The following DPP6 variants were observed in gnomAD, a reference collection of about 807,000 sequenced individuals.
The protein encoded by DPP6 is dipeptidyl peptidase like 6.
A neutral mutation model predicts 122.6 loss-of-function variants in DPP6; 69 were observed. The observed-to-expected ratio is 0.56, with a 90% CI of 0.46 to 0.69. The LOEUF is 0.69. Among genes scored for constraint, DPP6 ranks in the 30% least tolerant of loss-of-function variants. DPP6 has a pLI of 0.00. For missense variants in DPP6, 928 were observed against 1,116.9 expected, an observed-to-expected ratio of 0.83 and a Z score of 2.41; for synonymous variants, 418 against 433.1, an observed-to-expected ratio of 0.97 and a Z score of 0.43.
rs997602470 is a variant in DPP6 at position 154,576,301 on chromosome 7, C to T, written c.627+9385C>T. On this transcript the variant is annotated intron_variant, in intron 5 of 25. Transcript: ENST00000377770. Reference sequence around the variant, plus strand: ...TGGACGCTCACTCCCTGCAGAGGCCCGAGGCCACGAGACCTGACCCCACAC... The same window carrying T: ...TGGACGCTCACTCCCTGCAGAGGCCTGAGGCCACGAGACCTGACCCCACAC... Among the ~76,000 whole-genome samples, 16 of 152,120 alleles carry T rather than the reference C, an allele frequency of 1.1e-4. 1 individual carries two copies. In the East Asian group the frequency reaches 1.9e-3, roughly 18 times the overall value.
Position 154,802,926 on chromosome 7 carries a change from G to A in DPP6, c.1408-938G>A, listed in dbSNP as rs138204171. Among the ~76,000 whole-genome samples the A allele has an allele frequency of 1.5e-3, 222 of 152,068 alleles. 3 individuals carry two copies. Among genetic ancestry groups the A allele is most frequent in the Middle Eastern group, 0.01 (3 of 292 alleles). ...TTATCCAAGTTGCCATCATTTGCCCGGAGCCCTATCAAACATTCCAGCAGG... is the reference window on the plus strand; with the variant it reads ...TTATCCAAGTTGCCATCATTTGCCCAGAGCCCTATCAAACATTCCAGCAGG... On this transcript the variant is annotated intron_variant, in intron 13 of 25. Transcript: ENST00000377770.
At chr7:154,196,759 G>A (rs1798888936) in intron 1 of DPP6, among the ~76,000 whole-genome samples, 1 of 152,152 alleles carries the variant, frequency 6.6e-6, no homozygotes, top group South Asian at 2.1e-4. Context: ...GCTGCAGGGA[G>A]CCTTCACCCT....
chr7:153,803,149 C>T, the DPP6 span, among the ~76,000 whole-genome samples: 1,247 of 151,732 alleles, frequency 8.2e-3, 13 homozygotes, highest in African/African-American at 0.028. Context: ...GGTCCAGACA[C>T]GTGGGCGTCC....
At chr7:154,181,589 G>A (rs187077776) in intron 1 of DPP6, among the ~76,000 whole-genome samples, 14 of 152,264 alleles carry the variant, frequency 9.2e-5, no homozygotes, top group Admixed American at 2.6e-4. Flanking sequence ...ATGGCAGAAA[G>A]TGTATAGCCC....
At chr7:154,458,794 C>T (rs1004553719) in intron 2 of DPP6, among the ~76,000 whole-genome samples, 2 of 152,208 alleles carry the variant, frequency 1.3e-5, no homozygotes, top group African/African-American at 4.8e-5. Context: ...ATGAACTGGA[C>T]AACAACTGTG....
chr7:153,801,143 G>T, the DPP6 span, among the ~76,000 whole-genome samples: 3 of 149,520 alleles, frequency 2.0e-5, no homozygotes, highest in African/African-American at 4.9e-5. Flanking sequence ...CCCTGTGTGC[G>T]CTTATCTAAT....
chr7:154,071,859 C>G (rs1373697796), intron 1 of DPP6, among the ~76,000 whole-genome samples: 1 of 152,186 alleles, frequency 6.6e-6, no homozygotes, highest in Non-Finnish European at 1.5e-5. Flanking sequence ...TTCAACTTCC[C>G]TCTGTGATAC....
At chr7:154,083,085 G>C (rs1169682991) in intron 1 of DPP6, among the ~76,000 whole-genome samples, 1 of 151,950 alleles carries the variant, frequency 6.6e-6, no homozygotes, top group Non-Finnish European at 1.5e-5. Context: ...TCCTGACCTC[G>C]TGATCCGCCC....
chr7:154,756,379 A>G (rs1843670571), intron 8 of DPP6, among the ~76,000 whole-genome samples: 1 of 151,934 alleles, frequency 6.6e-6, no homozygotes, highest in African/African-American at 2.4e-5. Context: ...ATGCAGCCCC[A>G]TGGTCATAAT....
At chr7:154,007,928 C>T (rs1241001293) in intron 1 of DPP6, among the ~76,000 whole-genome samples, 5 of 152,236 alleles carry the variant, frequency 3.3e-5, no homozygotes, top group Non-Finnish European at 2.9e-5. Context: ...GCCCGTATTC[C>T]GTTGGCCTGA....
chr7:154,003,801 G>C (rs1428857261), intron 1 of DPP6, among the ~76,000 whole-genome samples: 1 of 152,140 alleles, frequency 6.6e-6, no homozygotes, highest in Admixed American at 6.5e-5. Context: ...TGGGAGGCAT[G>C]GTCCTTGCAT....
chr7:154,496,390 G>T (rs1346528709), intron 3 of DPP6, among the ~76,000 whole-genome samples: 7 of 152,234 alleles, frequency 4.6e-5, no homozygotes, highest in Non-Finnish European at 1.0e-4. Context: ...CCGAAGGGGA[G>T]CTATGTGAGT....
At chr7:154,067,789 G>A (rs1802835561) in intron 1 of DPP6, among the ~76,000 whole-genome samples, 1 of 152,056 alleles carries the variant, frequency 6.6e-6, no homozygotes, top group Non-Finnish European at 1.5e-5. Context: ...CTGCCACCCA[G>A]GCTGCAGTGT....
At chr7:154,320,214 C>G (rs114596967) in intron 1 of DPP6, among the ~76,000 whole-genome samples, 1 of 151,760 alleles carries the variant, frequency 6.6e-6, no homozygotes, top group Non-Finnish European at 1.5e-5. Context: ...TTTTCCACTC[C>G]GAGTCTTTGG....
chr7:153,887,382 C>T (rs532351320), exon 1 of DPP6: 199 of 273,002 alleles, frequency 7.3e-4, no homozygotes, highest in African/African-American at 4.0e-3. Flanking sequence ...GCAGCCTCTT[C>T]CTCCCTCCCT....
chr7:154,510,905 CTA>C (rs941142483), intron 3 of DPP6, among the ~76,000 whole-genome samples: 8 of 149,690 alleles, frequency 5.3e-5, no homozygotes, highest in African/African-American at 2.0e-4. Flanking sequence ...CTCTCTCTCT[CTA>C]TGACTCTCTT....
intron 3 of DPP6, among the ~76,000 whole-genome samples, chr7:154,494,414 ATATATT>A (rs1373559544): frequency 2.7e-5 from 4 of 148,518 alleles, no homozygotes; most frequent in African/African-American, 9.8e-5. Context: ...ATATGATAAC[ATATATT>A]TATATATATA....
At chr7:154,490,474 C>T (rs1206943993) in intron 3 of DPP6, among the ~76,000 whole-genome samples, 4 of 152,156 alleles carry the variant, frequency 2.6e-5, no homozygotes, top group Non-Finnish European at 4.4e-5. Flanking sequence ...AGCAGTGCCC[C>T]GTGGCTGCCT....
At chr7:154,188,199 T>G (rs1431418079) in intron 1 of DPP6, among the ~76,000 whole-genome samples, 1 of 152,074 alleles carries the variant, frequency 6.6e-6, no homozygotes, top group Non-Finnish European at 1.5e-5. Context: ...AGACTGTGAG[T>G]GTACTTGGTG....
Sources: allele counts gnomAD v4.1 joint callset (sites outside exome capture counted in the v4.1 genomes callset), GRCh38; gene constraint gnomAD v4.1.1; transcripts MANE v1.5; gene names NCBI Gene and HGNC (gene_info 2026-07-23, HGNC 2026-07-21).